The following IL1RAPL1 variants were observed in gnomAD, a reference collection of about 807,000 sequenced individuals.
IL1RAPL1 encodes interleukin-1 receptor accessory protein-like 1.
IL1RAPL1 carries 3 observed loss-of-function variants against 48.4 expected under a neutral mutation model. The observed-to-expected ratio is 0.06, with a 90% CI of 0.03 to 0.16. IL1RAPL1 has a LOEUF of 0.16. IL1RAPL1 is among the 10% of genes least tolerant of loss of function. The pLI, the probability that IL1RAPL1 is intolerant of heterozygous loss-of-function variation, is 1.00. For missense variants in IL1RAPL1, 349 were observed against 530.6 expected, an observed-to-expected ratio of 0.66 and a Z score of 3.36; for synonymous variants, 185 against 187.7, an observed-to-expected ratio of 0.99 and a Z score of 0.12.
intron 6 of IL1RAPL1, among the ~76,000 whole-genome samples, chrX:29,888,937 T>C (rs1422237357): frequency 8.9e-6 from 1 of 112,118 alleles, no homozygotes; most frequent in East Asian, 2.8e-4. Flanking sequence ...TCAAATCAGA[T>C]TCTACTATCC....
chrX:29,562,698 G>A (rs756403378), intron 5 of IL1RAPL1, among the ~76,000 whole-genome samples: 36 of 111,845 alleles, frequency 3.2e-4, no homozygotes, highest in African/African-American at 1.1e-3. Context: ...TTGCAAATTA[G>A]AGAGTTAAAT....
At chrX:29,045,917 T>C (rs868186619) in intron 2 of IL1RAPL1, among the ~76,000 whole-genome samples, 9 of 75,690 alleles carry the variant, frequency 1.2e-4, no homozygotes, top group Non-Finnish European at 2.0e-4. Flanking sequence ...TCCTCCTCCT[T>C]CTTCCTCCTC....
At chrX:29,259,359 G>A (rs1235230166) in intron 2 of IL1RAPL1, among the ~76,000 whole-genome samples, 4 of 111,215 alleles carry the variant, frequency 3.6e-5, no homozygotes, top group Admixed American at 1.9e-4. Flanking sequence ...ACTGGATTTC[G>A]TAGTCAAATC....
At chrX:28,752,032 G>A (rs1936049966) in intron 1 of IL1RAPL1, among the ~76,000 whole-genome samples, 2 of 111,993 alleles carry the variant, frequency 1.8e-5, no homozygotes. Flanking sequence ...GCTGAAAGAA[G>A]ATGCTCAGTA....
chrX:28,695,000 T>G (rs1172702150), intron 1 of IL1RAPL1, among the ~76,000 whole-genome samples: 1 of 111,114 alleles, frequency 9.0e-6, no homozygotes. Context: ...ATTGTGAGTC[T>G]TCTCACTTCC....
At chrX:29,346,468 A>G (rs1385480557) in intron 3 of IL1RAPL1, among the ~76,000 whole-genome samples, 1 of 112,080 alleles carries the variant, frequency 8.9e-6, no homozygotes, top group Non-Finnish European at 1.9e-5. Context: ...GAGCAGTTTC[A>G]TTTAAAAGGG....
intron 1 of IL1RAPL1, among the ~76,000 whole-genome samples, chrX:28,633,805 C>G (rs1411926979): frequency 1.8e-5 from 2 of 111,737 alleles, no homozygotes; most frequent in Non-Finnish European, 3.8e-5. Flanking sequence ...ACAGACCATT[C>G]ATTTACTCTT....
chrX:28,678,379 C>T (rs1244829624), intron 1 of IL1RAPL1, among the ~76,000 whole-genome samples: 3 of 110,867 alleles, frequency 2.7e-5, no homozygotes, highest in African/African-American at 3.3e-5. Flanking sequence ...AAAATTGGCC[C>T]CTGGAATTTT....
intron 2 of IL1RAPL1, among the ~76,000 whole-genome samples, chrX:29,143,410 T>C (rs1929283999): frequency 8.9e-6 from 1 of 111,960 alleles, no homozygotes; most frequent in Non-Finnish European, 1.9e-5. Flanking sequence ...TTAACCATAG[T>C]TTTGCTTTCT....
At chrX:29,750,525 AT>A (rs754356349) in intron 6 of IL1RAPL1, among the ~76,000 whole-genome samples, 1 of 112,217 alleles carries the variant, frequency 8.9e-6, no homozygotes, top group South Asian at 3.7e-4. Context: ...GGAAACAAAG[AT>A]TATGAGCCTC....
intron 2 of IL1RAPL1, among the ~76,000 whole-genome samples, chrX:28,897,061 G>A (rs766369617): frequency 4.5e-5 from 5 of 110,646 alleles, no homozygotes. Flanking sequence ...TGAGAACACA[G>A]GCTAAGGGAG....
chrX:28,781,583 C>T (rs1936424232), intron 1 of IL1RAPL1, among the ~76,000 whole-genome samples: 1 of 110,806 alleles, frequency 9.0e-6, no homozygotes, highest in Non-Finnish European at 1.9e-5. Flanking sequence ...ATCACACCTA[C>T]AAAATCCTTC....
chrX:28,738,116 T>C (rs1025855725), intron 1 of IL1RAPL1, among the ~76,000 whole-genome samples: 2 of 111,482 alleles, frequency 1.8e-5, no homozygotes, highest in Middle Eastern at 4.2e-3. Flanking sequence ...ATCACTATTA[T>C]ATACATTTCT....
At position 29,803,089 on chromosome X, in the gene IL1RAPL1, A is replaced by ATG. The variant is rs760928495; in HGVS notation, c.779-114373_779-114372dup. On this transcript the variant is annotated intron_variant, in intron 6 of 10. Transcript: ENST00000378993. ...TATGCATGTATACATATATGTGTATATGTATACATGTATACATATATGTAT... is the reference window on the plus strand; with the variant it reads ...TATGCATGTATACATATATGTGTATATGTGTATACATGTATACATATATGTAT... Among the ~76,000 whole-genome samples, 21 of 84,557 alleles carry ATG rather than the reference A, an allele frequency of 2.5e-4. 1 individual carries two copies. Among genetic ancestry groups the ATG allele is most frequent in the East Asian group, 3.7e-4 (1 of 2,684 alleles). The allele number at this position is 84,557 out of a possible 115,157, so 73.4% of individuals were successfully genotyped here. A position where few individuals can be genotyped will look rare whatever the true frequency, so the allele number is the denominator to read the frequency against.
chrX:29,494,137 A>G (rs1288686370), intron 5 of IL1RAPL1, among the ~76,000 whole-genome samples: 1 of 110,044 alleles, frequency 9.1e-6, no homozygotes, highest in African/African-American at 3.3e-5. Context: ...CCCTGACCTC[A>G]TGATCTTCCC....
intron 2 of IL1RAPL1, among the ~76,000 whole-genome samples, chrX:29,123,042 T>TTTATTTAG (rs1300067597): frequency 9.9e-6 from 1 of 100,622 alleles, no homozygotes; most frequent in African/African-American, 3.8e-5. Context: ...TATTTATTTA[T>TTTATTTAG]TTTTTGAGAT....
At chrX:28,869,499 G>C (rs1922156868) in intron 2 of IL1RAPL1, among the ~76,000 whole-genome samples, 1 of 111,894 alleles carries the variant, frequency 8.9e-6, no homozygotes, top group Non-Finnish European at 1.9e-5. Context: ...TATATAAACT[G>C]CATAGGCACT....
intron 2 of IL1RAPL1, among the ~76,000 whole-genome samples, chrX:28,967,603 C>G (rs1924951751): frequency 9.0e-6 from 1 of 111,562 alleles, no homozygotes; most frequent in Non-Finnish European, 1.9e-5. Flanking sequence ...TTTACCTATT[C>G]CCATGACCTT....
Position 29,772,018 on chromosome X carries a change from C to T in IL1RAPL1, c.778+103514C>T, listed in dbSNP as rs750357835. Among the ~76,000 whole-genome samples, 4 of 110,437 alleles carry T rather than the reference C, an allele frequency of 3.6e-5. No homozygotes were observed. In the East Asian group the frequency reaches 1.1e-3, roughly 32 times the overall value. ...TATCACAAGAACAGCATGGGAGAGA[C>T]CCGCCTCCATGATTCAGTTGCCTCC... On this transcript the variant is annotated intron_variant, in intron 6 of 10. Transcript: ENST00000378993.
Sources: gnomAD v4.1 joint callset for allele counts (sites outside exome capture counted in the v4.1 genomes callset) on GRCh38, gnomAD v4.1.1 for gene constraint, MANE v1.5 for transcripts, NCBI Gene and HGNC (gene_info 2026-07-23, HGNC 2026-07-21) for gene names.